The following METTL15 variants were observed in gnomAD, a reference collection of about 807,000 sequenced individuals.
METTL15 encodes the protein methyltransferase 15, mitochondrial 12S rRNA N4-cytidine.
METTL15 carries 34 observed loss-of-function variants against 38.3 expected under a neutral mutation model. That is an observed-to-expected ratio of 0.89 (90% CI 0.68 to 1.18). The LOEUF is 1.18. Among genes scored for constraint, METTL15 ranks in the 50% most tolerant of loss-of-function variants. The probability of loss-of-function intolerance (pLI) is 0.00; values close to 1 mark genes in which losing one functional copy is unlikely to be tolerated. For synonymous variants in METTL15, 162 were observed against 170.9 expected (o/e 0.95, Z 0.41); for missense variants, 438 against 498.4 (o/e 0.88, Z 1.15).
At chr11:28,204,960 G>A (rs928174361) in intron 3 of METTL15, among the ~76,000 whole-genome samples, 9 of 151,880 alleles carry the variant, frequency 5.9e-5, no homozygotes, top group Non-Finnish European at 1.3e-4. Flanking sequence ...TGTGTCTTTG[G>A]AGCACAAAAT....
chr11:28,409,768 G>A (rs1850709419), intron 5 of METTL15, among the ~76,000 whole-genome samples: 1 of 151,594 alleles, frequency 6.6e-6, no homozygotes, highest in Non-Finnish European at 1.5e-5. Context: ...GTTAGCAGAA[G>A]GAAGGAAATA....
intron 4 of METTL15, among the ~76,000 whole-genome samples, chr11:28,239,082 C>G (rs1419522007): frequency 6.6e-6 from 1 of 152,068 alleles, no homozygotes; most frequent in Non-Finnish European, 1.5e-5. Flanking sequence ...CACTCATTCC[C>G]TCAATAATCT....
chr11:28,470,803 T>A (rs1851297421), intron 6 of METTL15, among the ~76,000 whole-genome samples: 1 of 152,124 alleles, frequency 6.6e-6, no homozygotes, highest in African/African-American at 2.4e-5. Context: ...TGGGACATGT[T>A]TGTTTTTGAC....
intron 4 of METTL15, among the ~76,000 whole-genome samples, chr11:28,221,517 T>C (rs978068017): frequency 1.3e-5 from 2 of 152,210 alleles, no homozygotes; most frequent in African/African-American, 4.8e-5. Context: ...CTTCCTCCTT[T>C]AGCTCGGAGA....
chr11:28,437,012 A>G (rs572920228), intron 6 of METTL15, among the ~76,000 whole-genome samples: 2 of 152,296 alleles, frequency 1.3e-5, no homozygotes, highest in African/African-American at 2.4e-5. Context: ...TCCAGCCTTC[A>G]TCTTTCTTCC....
intron 3 of METTL15, chr11:28,122,191 C>A: frequency 8.0e-7 from 1 of 1,250,196 alleles, no homozygotes. Context: ...GTAAATTTAA[C>A]ATTTTTTTAA....
At chr11:28,394,513 G>T (rs549788356) in intron 5 of METTL15, among the ~76,000 whole-genome samples, 5 of 152,138 alleles carry the variant, frequency 3.3e-5, no homozygotes, top group Admixed American at 3.3e-4. Context: ...AAGGAGTGTG[G>T]TCTTGGAGGT....
At chr11:28,215,339 G>A (rs1191785608) in intron 4 of METTL15, among the ~76,000 whole-genome samples, 2 of 151,956 alleles carry the variant, frequency 1.3e-5, no homozygotes, top group African/African-American at 4.8e-5. Flanking sequence ...CTATAGGGGA[G>A]GTTAGAGTAA....
At chr11:28,336,836 CT>C (rs1163244324), downstream of METTL15, among the ~76,000 whole-genome samples, 1 of 152,078 alleles carries the variant, frequency 6.6e-6, no homozygotes, top group African/African-American at 2.4e-5. Context: ...TTAGAGTGTA[CT>C]CCTTGTACTT....
intron 5 of METTL15, among the ~76,000 whole-genome samples, chr11:28,395,187 G>A (rs1850555577): frequency 6.6e-6 from 1 of 151,984 alleles, no homozygotes; most frequent in Non-Finnish European, 1.5e-5. Context: ...AGAATTTGGG[G>A]ACTCAGGATT....
intron 6 of METTL15, among the ~76,000 whole-genome samples, chr11:28,514,230 CAATCAACA>C (rs1851700716): frequency 1.3e-5 from 2 of 152,166 alleles, no homozygotes; most frequent in South Asian, 4.1e-4. Flanking sequence ...AGGTCTAAGC[CAATCAACA>C]TATGCCATCT....
intron 3 of METTL15, among the ~76,000 whole-genome samples, chr11:28,189,548 A>G (rs917458849): frequency 4.6e-5 from 7 of 151,302 alleles, no homozygotes; most frequent in Non-Finnish European, 8.9e-5. Flanking sequence ...ATGTGAACAA[A>G]TCTGAATTTA....
intron 4 of METTL15, among the ~76,000 whole-genome samples, chr11:28,236,016 AG>A (rs1853946810): frequency 6.6e-6 from 1 of 151,994 alleles, no homozygotes; most frequent in Admixed American, 6.6e-5. Flanking sequence ...TTTAGCATGA[AG>A]GGTTGTTGAA....
At chr11:28,178,940 A>G (rs1399562016) in intron 3 of METTL15, among the ~76,000 whole-genome samples, 3 of 151,858 alleles carry the variant, frequency 2.0e-5, no homozygotes, top group Non-Finnish European at 4.4e-5. Context: ...AGACTAGGGT[A>G]GACTTTCTGT....
chr11:28,502,468 G>C (rs1017133772), intron 6 of METTL15, among the ~76,000 whole-genome samples: 2 of 152,154 alleles, frequency 1.3e-5, no homozygotes, highest in African/African-American at 4.8e-5. Context: ...TTAGGTCCTA[G>C]TTTGCCACCT....
At chr11:28,263,853 T>C (rs897441338) in intron 4 of METTL15, among the ~76,000 whole-genome samples, 10 of 152,092 alleles carry the variant, frequency 6.6e-5, no homozygotes, top group African/African-American at 2.2e-4. Context: ...AAAAGTATGG[T>C]TGTATTCTGT....
intron 4 of METTL15, among the ~76,000 whole-genome samples, chr11:28,263,230 T>A (rs144990136): frequency 8.1e-4 from 123 of 152,196 alleles, no homozygotes; most frequent in Non-Finnish European, 1.6e-3. Flanking sequence ...CATTGATTCA[T>A]TTTACATAGG....
intron 6 of METTL15, among the ~76,000 whole-genome samples, chr11:28,499,590 T>G (rs1480127821): frequency 6.6e-6 from 1 of 152,204 alleles, no homozygotes; most frequent in Non-Finnish European, 1.5e-5. Context: ...ATTTGGTAAC[T>G]CAATCATCTC....
intron 6 of METTL15, among the ~76,000 whole-genome samples, chr11:28,481,445 A>G (rs973098282): frequency 6.6e-6 from 1 of 152,156 alleles, no homozygotes; most frequent in Admixed American, 6.5e-5. Context: ...GAGACTGTCA[A>G]TGGGGCCATT....
Sources: allele counts gnomAD v4.1 joint callset (sites outside exome capture counted in the v4.1 genomes callset), GRCh38; gene constraint gnomAD v4.1.1; transcripts MANE v1.5; gene names NCBI Gene and HGNC (gene_info 2026-07-23, HGNC 2026-07-21).